The following CTNND2 variants were observed in gnomAD, a reference collection of about 807,000 sequenced individuals.
The protein encoded by CTNND2 is catenin delta 2.
In CTNND2, 22 loss-of-function variants were observed where a neutral mutation model predicts 144.4. That is an observed-to-expected ratio of 0.15 (90% confidence interval 0.11 to 0.22). The LOEUF is 0.22. CTNND2 is among the 10% of genes least tolerant of loss of function. CTNND2 has a pLI of 1.00. For missense variants in CTNND2, 1,353 were observed against 1,618.8 expected (o/e 0.84, Z 2.82); for synonymous variants, 751 against 695.6 (o/e 1.08, Z -1.25).
intron 2 of CTNND2, among the ~76,000 whole-genome samples, chr5:11,567,416 T>A (rs145949476): frequency 1.9e-4 from 29 of 152,316 alleles, no homozygotes; most frequent in African/African-American, 5.3e-4. Context: ...GGCCATTATT[T>A]CTTTATGAAT....
intron 14 of CTNND2, among the ~76,000 whole-genome samples, chr5:11,103,178 C>T (rs1330275291): frequency 2.0e-5 from 3 of 151,392 alleles, no homozygotes; most frequent in Admixed American, 1.3e-4. Context: ...GACGGGGTTT[C>T]GCCATGTTGG....
At chr5:11,768,875 A>G (rs1364193075) in intron 1 of CTNND2, among the ~76,000 whole-genome samples, 3 of 152,150 alleles carry the variant, frequency 2.0e-5, no homozygotes, top group African/African-American at 7.2e-5. Context: ...TCAGTGACGA[A>G]ATATTGCTGG....
In CTNND2 at chr5:11,616,345, A is replaced by G. The variant is rs1054973222; in HGVS notation, c.175-51289T>C. 2.6e-5 allele frequency among the ~76,000 whole-genome samples: 4 copies of G among 152,148 alleles called. No homozygotes were observed. The East Asian group carries it at 7.7e-4, about 29-fold the overall frequency. On this transcript the variant is annotated intron_variant, in intron 2 of 21. Transcript: ENST00000304623. ...GCATTTACATTTTAGTCCACTGCAA[A>G]AGAGTTTCTATCATTCCCACTCTAC... is the stretch of plus-strand genomic sequence containing the variant.
chr5:11,876,658 C>G lies in CTNND2; in HGVS notation c.37+27159G>C, dbSNP rs780485821. Among the ~76,000 whole-genome samples, 19 of 152,224 alleles carry G rather than the reference C, an allele frequency of 1.2e-4. 1 individual carries two copies. The highest frequency in any genetic ancestry group is 4.1e-4 in the South Asian group (2 of 4,830). The stretch of plus-strand genomic sequence containing the variant: ...TGGGTAAAAGACTGCTTTTAAAACA[C>G]ACCACATTATTAAATGCTCTTAAAA... On this transcript the variant is annotated intron_variant, in intron 1 of 21. Transcript: ENST00000304623.
chr5:11,761,462 G>T (rs371694926), intron 1 of CTNND2, among the ~76,000 whole-genome samples: 2 of 152,080 alleles, frequency 1.3e-5, no homozygotes, highest in African/African-American at 2.4e-5. Context: ...AAAGTGAAGT[G>T]AACTAAATAG....
chr5:10,998,243 A>G (rs1739558463), intron 18 of CTNND2, among the ~76,000 whole-genome samples: 1 of 152,068 alleles, frequency 6.6e-6, no homozygotes, highest in Admixed American at 6.6e-5. Flanking sequence ...ATGACAGCGG[A>G]GTGTGGTGGG....
intron 3 of CTNND2, among the ~76,000 whole-genome samples, chr5:11,465,564 G>T (rs61757542): frequency 6.6e-6 from 1 of 152,086 alleles, no homozygotes; most frequent in African/African-American, 2.4e-5. Context: ...AGACTGACTC[G>T]AATGAAGATC....
intron 9 of CTNND2, among the ~76,000 whole-genome samples, chr5:11,328,462 T>G (rs960558038): frequency 2.0e-5 from 3 of 151,848 alleles, no homozygotes; most frequent in Admixed American, 6.6e-5. Flanking sequence ...CCTTTTTTTT[T>G]GTTGTTGTTT....
intron 3 of CTNND2, among the ~76,000 whole-genome samples, chr5:11,431,527 G>A (rs997091016): frequency 2.0e-5 from 3 of 152,198 alleles, no homozygotes; most frequent in Non-Finnish European, 4.4e-5. Flanking sequence ...ATCAACAGCT[G>A]TAGATTCCCT....
At chr5:11,561,176 T>C (rs1455318420) in intron 3 of CTNND2, among the ~76,000 whole-genome samples, 1 of 152,208 alleles carries the variant, frequency 6.6e-6, no homozygotes, top group Non-Finnish European at 1.5e-5. Context: ...GGGACTTGAT[T>C]ATCATCTTAA....
chr5:11,144,041 C>T (rs968274492), intron 12 of CTNND2, among the ~76,000 whole-genome samples: 3 of 151,158 alleles, frequency 2.0e-5, no homozygotes, highest in South Asian at 2.1e-4. Context: ...CCCAGGTCTG[C>T]ACCAGCTAGG....
intron 3 of CTNND2, among the ~76,000 whole-genome samples, chr5:11,496,447 G>C (rs796428906): frequency 2.0e-5 from 3 of 152,186 alleles, no homozygotes; most frequent in African/African-American, 7.2e-5. Context: ...TCCAATTAGA[G>C]CTGCTCTTTA....
chr5:11,489,847 C>A (rs1339677889), intron 3 of CTNND2, among the ~76,000 whole-genome samples: 1 of 152,136 alleles, frequency 6.6e-6, no homozygotes, highest in African/African-American at 2.4e-5. Flanking sequence ...TGTGAAACAA[C>A]AACTTAGTGA....
rs36223515 is a variant in CTNND2, at chr5:11,719,833, TACACACACACAC to T, written c.174+12291_174+12302del. On this transcript the variant is annotated intron_variant, in intron 2 of 21. Transcript: ENST00000304623. ...TGAATTTGTGGGTAGCTCTGACATA[TACACACACACAC>T]ACACACACACACACACACACACACA... Among the ~76,000 whole-genome samples, 332 of 142,092 alleles carry T rather than the reference TACACACACACAC, an allele frequency of 2.3e-3. 2 individuals carry two copies. The highest frequency in any genetic ancestry group is 0.011 in the South Asian group (47 of 4,410). 93.2% of individuals were successfully genotyped at this position (142,092 alleles called of 152,430 possible).
rs747285860 is a variant in CTNND2, at chr5:11,903,359, C to T, written c.37+458G>A. On this transcript the variant is annotated intron_variant, in intron 1 of 21. Coordinates refer to ENST00000304623, the MANE Select transcript of CTNND2 (RefSeq NM_001332.4). The surrounding 1 kb of genome is among the most constrained non-coding windows in gnomAD (Gnocchi z 5.4). ...ATGGACGCATATGACTAAGTCTTTC[C>T]ATTTTGTTCTAGCCAAACATCGTAA... The T allele has an allele frequency of 1.0e-4, 101 of 991,590 alleles. No individual in the cohort carries two copies. Among genetic ancestry groups the T allele is most frequent in the Middle Eastern group, 1.0e-3 (2 of 1,970 alleles). The allele number at this position is 991,590 out of a possible 1,614,324, so 61.4% of individuals were successfully genotyped here.
At chr5:11,564,290 CT>C (rs1229290666) in intron 3 of CTNND2, among the ~76,000 whole-genome samples, 2 of 152,184 alleles carry the variant, frequency 1.3e-5, no homozygotes, top group African/African-American at 4.8e-5. Flanking sequence ...AGCCTTATGT[CT>C]CTTTCACACA....
chr5:11,897,741 T>C (rs1443184019), intron 1 of CTNND2, among the ~76,000 whole-genome samples: 1 of 152,200 alleles, frequency 6.6e-6, no homozygotes, highest in Non-Finnish European at 1.5e-5. Flanking sequence ...TAACTCTTGA[T>C]GTAGTGTCAA....
chr5:11,154,269 G>C (rs1034487810), intron 12 of CTNND2, among the ~76,000 whole-genome samples: 6 of 152,166 alleles, frequency 3.9e-5, no homozygotes, highest in African/African-American at 1.4e-4. Context: ...GGAAAGGTTG[G>C]CTCATAAATA....
At position 11,175,655 on chromosome 5, in the gene CTNND2, C is replaced by T. The variant is rs1388870442; in HGVS notation, c.1976-15896G>A. On this transcript the variant is annotated intron_variant, in intron 11 of 21. Transcript: ENST00000304623. ...TTTATTTATTTATTTTTTTTGCTGA[C>T]ATTGGCTCTTACTATGTACTAGAGT... 2.0e-5 allele frequency among the ~76,000 whole-genome samples: 3 copies of T among 150,716 alleles called. No individual in the cohort carries two copies. In the East Asian group the frequency reaches 5.8e-4, roughly 29 times the overall value.
Sources: gnomAD v4.1 joint callset for allele counts (sites outside exome capture counted in the v4.1 genomes callset) on GRCh38, gnomAD v4.1.1 for gene constraint, Gnocchi (gnomAD v3.1) non-coding constraint, MANE v1.5 for transcripts, NCBI Gene and HGNC (gene_info 2026-07-23, HGNC 2026-07-21) for gene names.